BTBD10: variants seen among roughly 807,000 people sequenced by gnomAD.
The protein encoded by BTBD10 is BTB domain containing 10, also known as BTB/POZ domain-containing protein 10.
BTBD10 carries 21 observed loss-of-function variants against 53.2 expected under a neutral mutation model. That is an observed-to-expected ratio of 0.39 (90% CI 0.28 to 0.57). The LOEUF is 0.57. Ranked by LOEUF, BTBD10 falls within the 20% of genes least tolerant of loss-of-function variation. BTBD10 has a pLI of 0.53. For missense variants in BTBD10, 360 were observed against 594.7 expected, an observed-to-expected ratio of 0.61 and a Z score of 4.10; for synonymous variants, 149 against 192.7, an observed-to-expected ratio of 0.77 and a Z score of 1.88.
chr11:13,446,311 C>T (rs1235369901), intron 1 of BTBD10, among the ~76,000 whole-genome samples: 1 of 152,056 alleles, frequency 6.6e-6, no homozygotes, highest in Non-Finnish European at 1.5e-5. Flanking sequence ...TGGGAAAATA[C>T]TATACTTTCC....
chr11:13,415,660 C>T (rs1317802472), intron 5 of BTBD10, among the ~76,000 whole-genome samples: 1 of 151,770 alleles, frequency 6.6e-6, no homozygotes, highest in Non-Finnish European at 1.5e-5. Flanking sequence ...ACACTTTGTA[C>T]TTTTATAGAA....
At chr11:13,399,927 C>T (rs1417350674) in intron 8 of BTBD10, among the ~76,000 whole-genome samples, 1 of 152,156 alleles carries the variant, frequency 6.6e-6, no homozygotes, top group Non-Finnish European at 1.5e-5. Flanking sequence ...CAGAGGAGTA[C>T]CCGGCCGTGT....
At chr11:13,442,465 G>T (rs771304437) in intron 2 of BTBD10, among the ~76,000 whole-genome samples, 18 of 151,770 alleles carry the variant, frequency 1.2e-4, no homozygotes, top group Non-Finnish European at 2.5e-4. Context: ...TACTCATTTC[G>T]TTTTTTTTCA....
chr11:13,450,721 G>A (rs1950841080), intron 1 of BTBD10, among the ~76,000 whole-genome samples: 1 of 152,088 alleles, frequency 6.6e-6, no homozygotes, highest in Admixed American at 6.6e-5. Context: ...AAGAACAGGT[G>A]GAAGCAACTT....
chr11:13,457,356 A>T (rs780823063), intron 1 of BTBD10, among the ~76,000 whole-genome samples: 88 of 152,250 alleles, frequency 5.8e-4, no homozygotes, highest in Non-Finnish European at 9.3e-4. Context: ...TTGTAATGGT[A>T]AAAGACTAAA....
intron 8 of BTBD10, among the ~76,000 whole-genome samples, chr11:13,391,202 T>C (rs760346340): frequency 2.6e-5 from 4 of 152,200 alleles, no homozygotes; most frequent in African/African-American, 4.8e-5. Flanking sequence ...CTTACTGTCA[T>C]CTACTATCAT....
intron 8 of BTBD10, among the ~76,000 whole-genome samples, chr11:13,389,356 C>T (rs992356286): frequency 1.3e-5 from 2 of 152,078 alleles, no homozygotes; most frequent in African/African-American, 4.8e-5. Flanking sequence ...CTTTCAATTA[C>T]TCAATATATC....
chr11:13,452,347 A>C (rs1202527126), intron 1 of BTBD10, among the ~76,000 whole-genome samples: 2 of 152,166 alleles, frequency 1.3e-5, no homozygotes, highest in Non-Finnish European at 2.9e-5. Flanking sequence ...AATTTTGGTG[A>C]GTGATGAACT....
At position 13,399,381 on chromosome 11, in the gene BTBD10, G is replaced by A. The variant is rs916678080; in HGVS notation, c.1117+3787C>T. On this transcript the variant is annotated intron_variant, in intron 8 of 8. Transcript: ENST00000278174. ...GCATTCGTCACGTAGTTCTCGTGCC[G>A]TGGCTTTCAGCTCCATCAGGTCCTT... is the stretch of plus-strand genomic sequence containing the variant. 5.9e-5 allele frequency among the ~76,000 whole-genome samples: 9 copies of A among 152,184 alleles called. No homozygotes were observed. In the East Asian group the frequency reaches 7.7e-4, roughly 13 times the overall value.
intron 2 of BTBD10, among the ~76,000 whole-genome samples, chr11:13,422,249 T>C (rs1950257715): frequency 6.6e-6 from 1 of 152,182 alleles, no homozygotes; most frequent in Admixed American, 6.5e-5. Context: ...GCAGAGAAAT[T>C]GGTCTCCCTG....
chr11:13,428,084 G>C (rs1950377727), intron 2 of BTBD10, among the ~76,000 whole-genome samples: 1 of 151,976 alleles, frequency 6.6e-6, no homozygotes, highest in Non-Finnish European at 1.5e-5. Context: ...CCTCTACCCA[G>C]ACTGCTTGGG....
At chr11:13,390,870 G>A (rs1949391285) in intron 8 of BTBD10, among the ~76,000 whole-genome samples, 1 of 152,140 alleles carries the variant, frequency 6.6e-6, no homozygotes, top group Non-Finnish European at 1.5e-5. Context: ...GGTGCAGCAG[G>A]TGAACAAAAC....
chr11:13,430,208 T>C (rs1355101036), intron 2 of BTBD10, among the ~76,000 whole-genome samples: 3 of 152,180 alleles, frequency 2.0e-5, no homozygotes, highest in South Asian at 4.1e-4. Context: ...ATGTAAACTA[T>C]ATAAAGAACT....
chr11:13,429,921 T>G (rs12421136), intron 2 of BTBD10, among the ~76,000 whole-genome samples: 3 of 151,456 alleles, frequency 2.0e-5, no homozygotes, highest in Non-Finnish European at 4.4e-5. Flanking sequence ...CTGGGCAACA[T>G]AGTGAGACCA....
intron 2 of BTBD10, among the ~76,000 whole-genome samples, chr11:13,439,645 T>C (rs1950610667): frequency 6.6e-6 from 1 of 152,044 alleles, no homozygotes; most frequent in African/African-American, 2.4e-5. Context: ...CACAATGCAT[T>C]CTCAAGTTAC....
intron 8 of BTBD10, among the ~76,000 whole-genome samples, chr11:13,399,421 C>A (rs1036964619): frequency 6.6e-6 from 1 of 152,126 alleles, no homozygotes; most frequent in African/African-American, 2.4e-5. Flanking sequence ...AACTTCTCTG[C>A]ATTGGTTATT....
chr11:13,410,326 G>C (rs1392256249), intron 6 of BTBD10, among the ~76,000 whole-genome samples: 2 of 152,056 alleles, frequency 1.3e-5, no homozygotes, highest in East Asian at 3.9e-4. Flanking sequence ...CCAAGGATCA[G>C]GAAAAAGGAT....
chr11:13,402,848 T>C (rs1252119312), intron 8 of BTBD10, among the ~76,000 whole-genome samples: 1 of 152,184 alleles, frequency 6.6e-6, no homozygotes, highest in Non-Finnish European at 1.5e-5. Flanking sequence ...GCCAATCCTA[T>C]GGGAATGTAC....
intron 8 of BTBD10, among the ~76,000 whole-genome samples, chr11:13,397,641 C>T (rs1190185579): frequency 6.6e-6 from 1 of 152,126 alleles, no homozygotes; most frequent in African/African-American, 2.4e-5. Context: ...GTTAGGGTGT[C>T]AATTTTAGAT....
Sources: gnomAD v4.1 joint callset for allele counts (sites outside exome capture counted in the v4.1 genomes callset) on GRCh38, gnomAD v4.1.1 for gene constraint, MANE v1.5 for transcripts, NCBI Gene and HGNC (gene_info 2026-07-23, HGNC 2026-07-21) for gene names.